PHACTR1: variants seen among roughly 807,000 people sequenced by gnomAD.
PHACTR1 encodes the protein phosphatase and actin regulator 1, also known as RPEL repeat containing 1.
Under a neutral mutation model 69.2 loss-of-function variants are expected in PHACTR1, and 16 were observed. The observed-to-expected ratio is 0.23, with a 90% CI of 0.16 to 0.35. The LOEUF is 0.35. Among genes scored for constraint, PHACTR1 ranks in the 10% least tolerant of loss-of-function variants. PHACTR1 has a pLI of 1.00. For synonymous variants in PHACTR1, 312 were observed against 284.5 expected (o/e 1.10, Z -0.97); for missense variants, 510 against 734.7 (o/e 0.69, Z 3.54).
intron 3 of PHACTR1, among the ~76,000 whole-genome samples, chr6:12,720,943 G>C (rs1205320999): frequency 1.3e-5 from 2 of 152,224 alleles, no homozygotes; most frequent in African/African-American, 4.8e-5. Context: ...AATGCAAACA[G>C]TAATAGTTCC....
At chr6:12,984,785 GAAAAAGC>G (rs1795940139) in intron 4 of PHACTR1, among the ~76,000 whole-genome samples, 1 of 45,948 alleles carries the variant, frequency 2.2e-5, no homozygotes, top group South Asian at 7.8e-4. Flanking sequence ...GTTTCATAAG[GAAAAAGC>G]AAACCGTCTA....
At chr6:13,150,572 ATGT>A (rs963471397) in intron 5 of PHACTR1, among the ~76,000 whole-genome samples, 15 of 152,316 alleles carry the variant, frequency 9.8e-5, no homozygotes, top group African/African-American at 3.4e-4. Flanking sequence ...TTAGCATATC[ATGT>A]TGTCTAAAAT....
intron 3 of PHACTR1, among the ~76,000 whole-genome samples, chr6:12,742,347 G>C (rs1223085415): frequency 6.6e-6 from 1 of 152,154 alleles, no homozygotes; most frequent in Non-Finnish European, 1.5e-5. Context: ...TCTGTAAACT[G>C]TCATGGCTCT....
At chr6:13,172,392 C>T (rs1369676089) in intron 6 of PHACTR1, among the ~76,000 whole-genome samples, 2 of 152,196 alleles carry the variant, frequency 1.3e-5, no homozygotes, top group Non-Finnish European at 2.9e-5. Flanking sequence ...GGCGTGCAGA[C>T]TGCTGGGGAG....
At chr6:13,088,972 A>G (rs1812766847) in intron 5 of PHACTR1, among the ~76,000 whole-genome samples, 1 of 152,208 alleles carries the variant, frequency 6.6e-6, no homozygotes, top group Admixed American at 6.5e-5. Flanking sequence ...AAAACTTCAA[A>G]CATCCAGAAA....
intron 4 of PHACTR1, among the ~76,000 whole-genome samples, chr6:12,976,430 A>T (rs1562081819): frequency 6.6e-6 from 1 of 152,280 alleles, no homozygotes; most frequent in East Asian, 1.9e-4. Context: ...AGAAACCAGG[A>T]CCTTGAAAGT....
intron 4 of PHACTR1, among the ~76,000 whole-genome samples, chr6:12,775,405 T>C (rs1266829911): frequency 6.6e-6 from 1 of 152,204 alleles, no homozygotes; most frequent in Non-Finnish European, 1.5e-5. Flanking sequence ...ATATAGTAAA[T>C]ACAGTATGAG....
chr6:13,066,860 A>C (rs1808729084), intron 5 of PHACTR1, among the ~76,000 whole-genome samples: 1 of 152,206 alleles, frequency 6.6e-6, no homozygotes, highest in Non-Finnish European at 1.5e-5. Context: ...AGATGCTTCC[A>C]TGCCTTTTAA....
chr6:13,127,070 C>T (rs757731148), intron 5 of PHACTR1, among the ~76,000 whole-genome samples: 5 of 152,104 alleles, frequency 3.3e-5, no homozygotes, highest in African/African-American at 4.8e-5. Context: ...CAGTAAATTA[C>T]GAAAATATAA....
At chr6:12,859,872 G>A (rs145016117) in intron 4 of PHACTR1, among the ~76,000 whole-genome samples, 230 of 152,274 alleles carry the variant, frequency 1.5e-3, no homozygotes, top group African/African-American at 5.3e-3. Context: ...GAGAAAGCCT[G>A]TAAAATGGTG....
At chr6:12,827,259 A>T (rs1200920047) in intron 4 of PHACTR1, among the ~76,000 whole-genome samples, 2 of 152,176 alleles carry the variant, frequency 1.3e-5, no homozygotes, top group Non-Finnish European at 2.9e-5. Flanking sequence ...AAATTCGCTC[A>T]ATTGTATTTA....
chr6:13,197,529 C>G (rs1450450831), intron 7 of PHACTR1, among the ~76,000 whole-genome samples: 2 of 151,938 alleles, frequency 1.3e-5, no homozygotes, highest in African/African-American at 4.8e-5. Flanking sequence ...AACCCCAGCT[C>G]TTCTGAGTTC....
At position 12,928,490 on chromosome 6, in the gene PHACTR1, C is replaced by T. The variant is rs75550072; in HGVS notation, c.251-124875C>T. ...CTTCAGAATCCTGGTTTAATTTCTA[C>T]CTTTTCCTCAAAGCCTGCTCCAGCC... On this transcript the variant is annotated intron_variant, in intron 4 of 14. Transcript: ENST00000332995. 5.7e-3 allele frequency among the ~76,000 whole-genome samples: 861 copies of T among 152,260 alleles called. 4 individuals are homozygous for T. The highest frequency in any genetic ancestry group is 0.02 in the African/African-American group (836 of 41,538).
chr6:13,029,555 A>G (rs909402890), intron 4 of PHACTR1, among the ~76,000 whole-genome samples: 4 of 152,198 alleles, frequency 2.6e-5, no homozygotes, highest in Non-Finnish European at 4.4e-5. Flanking sequence ...GAAGGTAATT[A>G]CTAGCTCTCA....
intron 10 of PHACTR1, among the ~76,000 whole-genome samples, chr6:13,269,062 C>T (rs1047899281): frequency 1.3e-5 from 2 of 152,064 alleles, no homozygotes; most frequent in African/African-American, 2.4e-5. Context: ...GGGATGGCAC[C>T]GTCAAAGCTG....
At chr6:12,916,768 C>T (rs1009152686) in intron 4 of PHACTR1, among the ~76,000 whole-genome samples, 2 of 152,078 alleles carry the variant, frequency 1.3e-5, no homozygotes, top group Non-Finnish European at 2.9e-5. Flanking sequence ...CTAGATCTTC[C>T]AATATGTGCA....
intron 8 of PHACTR1, 26 bp downstream of exon 8, chr6:13,206,162 A>G: frequency 6.5e-7 from 1 of 1,526,734 alleles, no homozygotes. Context: ...AGGAGGGAGG[A>G]CGGGAGGAGA....
intron 10 of PHACTR1, among the ~76,000 whole-genome samples, chr6:13,268,730 GC>G (rs1777171474): frequency 1.3e-5 from 2 of 152,140 alleles, no homozygotes; most frequent in Non-Finnish European, 2.9e-5. Context: ...TCCTTACAAT[GC>G]CACCATATCA....
intron 8 of PHACTR1, among the ~76,000 whole-genome samples, chr6:13,218,350 A>T (rs1023947833): frequency 6.6e-6 from 1 of 152,176 alleles, no homozygotes; most frequent in African/African-American, 2.4e-5. Context: ...AGATAAAGTG[A>T]TGATTACAAA....
Sources: allele counts gnomAD v4.1 joint callset (sites outside exome capture counted in the v4.1 genomes callset), GRCh38; gene constraint gnomAD v4.1.1; transcripts MANE v1.5; gene names NCBI Gene and HGNC (gene_info 2026-07-23, HGNC 2026-07-21).